Variants in CUL9 observed in about 807,000 individuals in gnomAD.
The protein encoded by CUL9 is cullin 9.
In CUL9, 79 loss-of-function variants were observed where a neutral mutation model predicts 272.6. That is an observed-to-expected ratio of 0.29 (90% CI 0.24 to 0.35). CUL9 has a LOEUF of 0.35. Among genes scored for constraint, CUL9 ranks in the 10% least tolerant of loss-of-function variants. The pLI is 1.00. For synonymous variants in CUL9, 1,186 were observed against 1,286.5 expected (o/e 0.92, Z 1.67); for missense variants, 2,532 against 3,255.6 (o/e 0.78, Z 5.41).
chr6:43,184,784 C>T lies in CUL9; in HGVS notation c.474C>T (p.Leu158=), dbSNP rs1393383767. The change falls in exon 2 of 41, where the codon CTC becomes CTT. Residue 158 remains leucine, a synonymous_variant. Coordinates refer to ENST00000252050, the MANE Select transcript of CUL9 (RefSeq NM_015089.4). The surrounding 1 kb of genome is among the most constrained non-coding windows in gnomAD (Gnocchi z 4.8). ...VLSAYASIGP[L]TGVFRETGAL... is the part of the protein sequence containing the mutation. The stretch of plus-strand genomic sequence containing the variant: ...GTGCCTACGCCAGCATCGGGCCCCT[C>T]ACTGGTGTCTTCAGGGAGACAGGAG... The T allele has an allele frequency of 1.9e-6, 3 of 1,614,020 alleles. No homozygotes were observed. The highest frequency in any genetic ancestry group is 2.7e-5 in the African/African-American group (2 of 74,948).
In CUL9 at chr6:43,184,688, G is replaced by T. The variant is rs374118842; in HGVS notation, c.378G>T (p.Ala126=). 2.5e-6 allele frequency: 4 copies of T among 1,612,992 alleles called. No homozygotes were observed. Among genetic ancestry groups the T allele is most frequent in the Non-Finnish European group, 3.4e-6 (4 of 1,178,994 alleles). ...EADVQALVRR[A]ARQLAESGTP... is the part of the protein sequence containing the mutation. ...ATGTTCAGGCGCTGGTACGCAGGGCGGCCAGGCAGCTGGCAGAAAGTGGGA... is the reference window on the plus strand; with the variant it reads ...ATGTTCAGGCGCTGGTACGCAGGGCTGCCAGGCAGCTGGCAGAAAGTGGGA... Residue 126 remains alanine (A), a synonymous_variant, in exon 2 of 41, where the codon GCG becomes GCT. Transcript: ENST00000252050. This position sits in a 1 kb window ranked among gnomAD's most constrained non-coding sequence, Gnocchi z 4.8.
Position 43,204,535 on chromosome 6 carries a change from G to A in CUL9, c.4335G>A (p.Arg1445=), listed in dbSNP as rs779402516. The part of the protein sequence containing the change: ...PPGPSPEPST[R]PFSKNSKGRD... ...GGCCTTCTCCTGAGCCATCCACTCG[G>A]CCCTGTAAGTCCCAGCTGTGGCCAG... The change falls in exon 21 of 41, where the codon CGG becomes CGA. Residue 1445 remains arginine (R), a synonymous_variant. Transcript: ENST00000252050. 8 of 1,613,882 alleles carry A rather than the reference G, an allele frequency of 5.0e-6. No homozygotes were observed. In the East Asian group the frequency reaches 1.6e-4, roughly 31 times the overall value.
intron 8 of CUL9, among the ~76,000 whole-genome samples, chr6:43,192,447 C>T (rs932952851): frequency 1.3e-5 from 2 of 152,166 alleles, no homozygotes; most frequent in African/African-American, 2.4e-5. Context: ...AAGGCAAGTA[C>T]ACTGCTTGAG....
chr6:43,183,919 A>T (rs1772681531), intron 1 of CUL9, among the ~76,000 whole-genome samples: 2 of 151,940 alleles, frequency 1.3e-5, no homozygotes, highest in African/African-American at 4.8e-5. Context: ...CACCTGGCTA[A>T]TTTTTGTATT....
rs1774844785 is a variant in CUL9 at position 43,203,959 on chromosome 6, C to T, written c.4131C>T (p.Ser1377=). The change falls in exon 20 of 41, where the codon AGC becomes AGT. Residue 1377 remains serine (S), a synonymous_variant. Coordinates refer to ENST00000252050, the MANE Select transcript of CUL9 (RefSeq NM_015089.4). The surrounding 1 kb of genome is among the most constrained non-coding windows in gnomAD (Gnocchi z 5.0). ...LGKTCWEALV[S]PLVQNITSPD... Reference sequence around the variant, plus strand: ...AGACCTGCTGGGAGGCCCTGGTCAGCCCCCTGGTGCAGAACATCACCTCTC... The same window carrying T: ...AGACCTGCTGGGAGGCCCTGGTCAGTCCCCTGGTGCAGAACATCACCTCTC... The T allele has an allele frequency of 6.2e-7, 1 of 1,608,338 alleles. No homozygotes were observed. Among genetic ancestry groups the T allele is most frequent in the African/African-American group, 1.3e-5 (1 of 74,800 alleles).
chr6:43,202,630 C>G, intron 16 of CUL9, 86 bp from the exon 17 acceptor site: 1 of 1,165,132 alleles, frequency 8.6e-7, no homozygotes, highest in Non-Finnish European at 1.3e-6. Context: ...ATCCTCCCAC[C>G]TCAGCCTCCC....
In CUL9 at chr6:43,200,340, C is replaced by A. The variant is rs917624160; in HGVS notation, c.3385-96C>A. The A allele has an allele frequency of 1.9e-6, 3 of 1,593,964 alleles. No homozygotes were observed. Among genetic ancestry groups the A allele is most frequent in the Non-Finnish European group, 2.6e-6 (3 of 1,164,212 alleles). ...GTGGGGAGAGAGGAGTTGAGTATACCGTTGACCCTTGACTTTTTCTCTCTA... is the reference window on the plus strand; with the variant it reads ...GTGGGGAGAGAGGAGTTGAGTATACAGTTGACCCTTGACTTTTTCTCTCTA... On this transcript the variant is annotated intron_variant, in intron 14 of 40. Transcript: ENST00000252050. The surrounding 1 kb of genome is among the most constrained non-coding windows in gnomAD (Gnocchi z 4.0).
At position 43,220,676 on chromosome 6, in the gene CUL9, G is replaced by T; in HGVS notation, c.6424-71G>T. On this transcript the variant is annotated intron_variant, in intron 32 of 40. Transcript: ENST00000252050. This position sits in a 1 kb window ranked among gnomAD's most constrained non-coding sequence, Gnocchi z 4.9. ...CCCAGGGAGTGGGCTGAGCTATGGG[G>T]TGCTGGGGGCCTGGAGGTGTGGCAT... 1.2e-6 allele frequency: 2 copies of T among 1,604,668 alleles called. No individual in the cohort carries two copies. The highest frequency in any genetic ancestry group is 1.7e-6 in the Non-Finnish European group (2 of 1,174,334).
chr6:43,217,060 T>A (rs1776000461), intron 31 of CUL9, among the ~76,000 whole-genome samples: 1 of 152,158 alleles, frequency 6.6e-6, no homozygotes, highest in Non-Finnish European at 1.5e-5. Context: ...AATACAAAAA[T>A]TTTTAAAAAT....
At position 43,184,956 on chromosome 6, in the gene CUL9, G is replaced by C. The variant is rs868094459; in HGVS notation, c.595+51G>C. On this transcript the variant is annotated intron_variant, in intron 2 of 40. Coordinates refer to ENST00000252050, the MANE Select transcript of CUL9 (RefSeq NM_015089.4). This position sits in a 1 kb window ranked among gnomAD's most constrained non-coding sequence, Gnocchi z 4.8. ...AAGGAATGGAGAAAATGGGGCCACA[G>C]GGAATAAGAAAGAGGAGAGATTTCC... The C allele has an allele frequency of 2.5e-5, 34 of 1,385,318 alleles. No homozygotes were observed. In the Middle Eastern group the frequency reaches 5.4e-4, roughly 22 times the overall value. The allele number at this position is 1,385,318 out of a possible 1,614,324, so 85.8% of individuals were successfully genotyped here.
At chr6:43,205,157 C>T in intron 23 of CUL9, 42 bp downstream of exon 23, 1 of 1,574,068 alleles carries the variant, frequency 6.4e-7, no homozygotes, top group Non-Finnish European at 8.6e-7. Flanking sequence ...AGCTTGTGTT[C>T]CAAGTTCATC....
chr6:43,222,517 C>A lies in CUL9; in HGVS notation c.6922-14C>A. 1 of 1,613,740 alleles carries A rather than the reference C, an allele frequency of 6.2e-7. No homozygotes were observed. Among genetic ancestry groups the A allele is most frequent in the Non-Finnish European group, 8.5e-7 (1 of 1,179,772 alleles). On this transcript the variant is annotated splice_polypyrimidine_tract_variant and intron_variant, in intron 36 of 40. Coordinates refer to ENST00000252050, the MANE Select transcript of CUL9 (RefSeq NM_015089.4). ...GCCACCTGTGCTGGTACTGATACAC[C>A]TTCCTCCACACAGGAGTTTGCTGTG...
Position 43,200,534 on chromosome 6 carries a change from C to T in CUL9, c.3475+8C>T, listed in dbSNP as rs1475919775. On this transcript the variant is annotated splice_region_variant and intron_variant, in intron 15 of 40. Transcript: ENST00000252050. This position sits in a 1 kb window ranked among gnomAD's most constrained non-coding sequence, Gnocchi z 4.0. ...TCAGGCATCTCTGCCAGGGTTAGTG[C>T]CCTCATCTGCTTTCTCCTGGCTCCC... is the stretch of plus-strand genomic sequence containing the variant. The T allele has an allele frequency of 6.2e-7, 1 of 1,614,022 alleles. No individual in the cohort carries two copies. The highest frequency in any genetic ancestry group is 8.5e-7 in the Non-Finnish European group (1 of 1,180,034).
chr6:43,220,681 G>A lies in CUL9; in HGVS notation c.6424-66G>A, dbSNP rs1776286383. The A allele has an allele frequency of 1.9e-6, 3 of 1,603,734 alleles. No homozygotes were observed. Among genetic ancestry groups the A allele is most frequent in the Non-Finnish European group, 2.6e-6 (3 of 1,173,964 alleles). ...GGAGTGGGCTGAGCTATGGGGTGCT[G>A]GGGGCCTGGAGGTGTGGCATCCTGG... On this transcript the variant is annotated intron_variant, in intron 32 of 40. Coordinates refer to ENST00000252050, the MANE Select transcript of CUL9 (RefSeq NM_015089.4). This position sits in a 1 kb window ranked among gnomAD's most constrained non-coding sequence, Gnocchi z 4.9.
intron 24 of CUL9, 75 bp downstream of exon 24, chr6:43,205,498 G>A: frequency 1.3e-6 from 2 of 1,524,510 alleles, no homozygotes; most frequent in Non-Finnish European, 1.8e-6. Context: ...TCTTATAGGG[G>A]AGATGAGAAA....
At chr6:43,219,003 A>G (rs1470084164) in intron 31 of CUL9, among the ~76,000 whole-genome samples, 1 of 152,160 alleles carries the variant, frequency 6.6e-6, no homozygotes, top group Non-Finnish European at 1.5e-5. Context: ...TAGACAACAC[A>G]GCAAGACCCC....
Position 43,221,869 on chromosome 6 carries a change from G to A in CUL9, c.6846+91G>A. ...GTCCTGGGCAGACAGGGCTCCTTGTGCAGTGCAGCATTCTAGCTGTTGGGA... is the reference window on the plus strand; with the variant it reads ...GTCCTGGGCAGACAGGGCTCCTTGTACAGTGCAGCATTCTAGCTGTTGGGA... On this transcript the variant is annotated intron_variant, in intron 35 of 40. Transcript: ENST00000252050. This position sits in a 1 kb window ranked among gnomAD's most constrained non-coding sequence, Gnocchi z 4.2. The A allele has an allele frequency of 9.1e-7, 1 of 1,096,324 alleles. No individual in the cohort carries two copies. Among genetic ancestry groups the A allele is most frequent in the Non-Finnish European group, 1.3e-6 (1 of 747,752 alleles). 67.9% of individuals were successfully genotyped at this position (1,096,324 alleles called of 1,614,324 possible).
chr6:43,196,470 A>T (rs1255330217), intron 10 of CUL9, 175 bp from the exon 11 acceptor site: 1 of 779,782 alleles, frequency 1.3e-6, no homozygotes, highest in East Asian at 2.5e-5. Context: ...AGACACACTG[A>T]CTTCCCTTTA....
rs1776366104 is a variant in CUL9 at position 43,221,515 on chromosome 6, G to A, written c.6753-170G>A. ...TCCCACTCGTAAGTCCACACTGACTGGGGGAGTTCAAAAGCAGAGGTGCAT... is the reference window on the plus strand; with the variant it reads ...TCCCACTCGTAAGTCCACACTGACTAGGGGAGTTCAAAAGCAGAGGTGCAT... On this transcript the variant is annotated intron_variant, in intron 34 of 40. Transcript: ENST00000252050. This position sits in a 1 kb window ranked among gnomAD's most constrained non-coding sequence, Gnocchi z 4.2. 2.3e-6 allele frequency: 2 copies of A among 873,906 alleles called. No individual in the cohort carries two copies. Among genetic ancestry groups the A allele is most frequent in the Non-Finnish European group, 1.7e-6 (1 of 576,798 alleles). The allele number at this position is 873,906 out of a possible 1,614,324, so 54.1% of individuals were successfully genotyped here. A position where few individuals can be genotyped will look rare whatever the true frequency, so the allele number is the denominator to read the frequency against.
Sources: allele counts gnomAD v4.1 joint callset (sites outside exome capture counted in the v4.1 genomes callset), GRCh38; gene constraint gnomAD v4.1.1; non-coding constraint Gnocchi (gnomAD v3.1); transcripts MANE v1.5; gene names NCBI Gene and HGNC (gene_info 2026-07-23, HGNC 2026-07-21).